The following ZDHHC15 variants were observed in gnomAD, a reference collection of about 807,000 sequenced individuals.
ZDHHC15 encodes the protein palmitoyltransferase ZDHHC15.
ZDHHC15 carries 19 observed loss-of-function variants against 31.7 expected under a neutral mutation model. The ratio of observed to expected loss-of-function variants is 0.60; its 90% CI spans 0.42 to 0.88. The LOEUF is 0.88. Ranked by LOEUF, ZDHHC15 falls within the 40% of genes least tolerant of loss-of-function variation. The pLI is 0.00. For synonymous variants in ZDHHC15, 103 were observed against 90.0 expected, an observed-to-expected ratio of 1.14 and a Z score of -0.82; for missense variants, 209 against 251.2, an observed-to-expected ratio of 0.83 and a Z score of 1.14.
intron 2 of ZDHHC15, among the ~76,000 whole-genome samples, chrX:75,484,829 C>T (rs1422317047): frequency 1.8e-5 from 2 of 112,031 alleles, no homozygotes; most frequent in African/African-American, 6.5e-5. Flanking sequence ...TGTTCCTAAA[C>T]TGGTGAATAA....
At position 75,450,793 on chromosome X, in the gene ZDHHC15, T is replaced by G; in HGVS notation, c.379+9A>C. ...AGCTGCCTCTCTAGCTGCCTTTGGA[T>G]GAACTGACCTCCACTTCCAGTTCTT... On this transcript the variant is annotated intron_variant, in intron 4 of 11. Transcript: ENST00000373367. 8.3e-7 allele frequency: 1 copy of G among 1,210,758 alleles called. No homozygotes were observed. Among genetic ancestry groups the G allele is most frequent in the East Asian group, 3.0e-5 (1 of 33,812 alleles).
intron 2 of ZDHHC15, among the ~76,000 whole-genome samples, chrX:75,498,374 A>T (rs1026727910): frequency 9.0e-6 from 1 of 111,599 alleles, no homozygotes; most frequent in African/African-American, 3.3e-5. Context: ...CGATGATATG[A>T]TCGTACACCT....
At chrX:75,471,662 C>T (rs754496542) in intron 3 of ZDHHC15, among the ~76,000 whole-genome samples, 41 of 111,818 alleles carry the variant, frequency 3.7e-4, no homozygotes, top group Non-Finnish European at 6.8e-4. Context: ...ATCGAGTGAC[C>T]GAAAAGGCTG....
intron 1 of ZDHHC15, among the ~76,000 whole-genome samples, chrX:75,514,796 A>G (rs982821060): frequency 9.0e-6 from 1 of 111,694 alleles, no homozygotes; most frequent in Admixed American, 9.5e-5. Context: ...CTGCTAGTAC[A>G]GCAGTCCGAG....
chrX:75,391,570 G>A (rs368963173), intron 10 of ZDHHC15, among the ~76,000 whole-genome samples: 2 of 112,190 alleles, frequency 1.8e-5, no homozygotes, highest in East Asian at 5.6e-4. Flanking sequence ...TATTTAAAGT[G>A]TTGAAGGAAT....
chrX:75,407,492 C>T (rs1277505824), intron 10 of ZDHHC15, among the ~76,000 whole-genome samples: 36 of 106,392 alleles, frequency 3.4e-4, no homozygotes, highest in Middle Eastern at 5.0e-3. Flanking sequence ...CCGCCCCGTC[C>T]GGGAGGGAGG....
At chrX:75,438,516 C>T (rs1437151731) in intron 4 of ZDHHC15, among the ~76,000 whole-genome samples, 1 of 110,619 alleles carries the variant, frequency 9.0e-6, no homozygotes, top group Admixed American at 9.7e-5. Flanking sequence ...CATTGAATAC[C>T]TTTTTTCACT....
intron 2 of ZDHHC15, among the ~76,000 whole-genome samples, chrX:75,483,893 A>G (rs765496796): frequency 9.0e-6 from 1 of 111,502 alleles, no homozygotes; most frequent in East Asian, 2.8e-4. Context: ...ACGGATTTGT[A>G]AGCTAGTTCT....
chrX:75,478,854 C>A (rs1013929752), intron 3 of ZDHHC15, 37 bp downstream of exon 3: 1 of 1,051,887 alleles, frequency 9.5e-7, no homozygotes, highest in Non-Finnish European at 1.3e-6. Flanking sequence ...CTACTTTTTT[C>A]TGTTCTTATC....
chrX:75,453,255 T>C (rs900237451), intron 3 of ZDHHC15, among the ~76,000 whole-genome samples: 5 of 111,610 alleles, frequency 4.5e-5, no homozygotes, highest in Admixed American at 3.8e-4. Context: ...GAGAATACTA[T>C]AAACACCTCT....
chrX:75,430,866 G>C (rs1176880684), intron 5 of ZDHHC15, among the ~76,000 whole-genome samples: 1 of 111,368 alleles, frequency 9.0e-6, no homozygotes. Flanking sequence ...GATGAGGAAA[G>C]CATCAAACAA....
chrX:75,406,489 G>T (rs1189687827), intron 10 of ZDHHC15, among the ~76,000 whole-genome samples: 1 of 110,528 alleles, frequency 9.0e-6, no homozygotes, highest in Non-Finnish European at 1.9e-5. Context: ...CAAATAAATA[G>T]AATCAGAAGT....
At chrX:75,434,027 C>T (rs1430294832) in intron 4 of ZDHHC15, among the ~76,000 whole-genome samples, 4 of 111,523 alleles carry the variant, frequency 3.6e-5, no homozygotes, top group South Asian at 3.8e-4. Flanking sequence ...TTTTAAATTA[C>T]GGCCATTCTT....
chrX:75,467,218 T>A (rs73221908), intron 3 of ZDHHC15, among the ~76,000 whole-genome samples: 9,182 of 112,340 alleles, frequency 0.082, 388 homozygotes, highest in Non-Finnish European at 0.12. Flanking sequence ...AAATTCTTTT[T>A]AACATTATAA....
intron 4 of ZDHHC15, among the ~76,000 whole-genome samples, chrX:75,432,916 C>T (rs996588205): frequency 4.5e-5 from 5 of 110,911 alleles, no homozygotes; most frequent in Non-Finnish European, 9.4e-5. Flanking sequence ...CCCAGGAGTT[C>T]GAGGCTGCTG....
chrX:75,504,794 A>G (rs1008468024), intron 2 of ZDHHC15, among the ~76,000 whole-genome samples: 2 of 111,780 alleles, frequency 1.8e-5, no homozygotes, highest in Non-Finnish European at 3.8e-5. Context: ...GGTCATGCAT[A>G]CGAATAAGAG....
At chrX:75,431,139 C>T (rs959197329) in intron 5 of ZDHHC15, among the ~76,000 whole-genome samples, 1 of 111,838 alleles carries the variant, frequency 8.9e-6, no homozygotes, top group East Asian at 2.8e-4. Context: ...ATGTATCATA[C>T]AAATATAAGA....
intron 2 of ZDHHC15, among the ~76,000 whole-genome samples, chrX:75,481,598 T>C (rs1050232171): frequency 1.5e-4 from 17 of 111,860 alleles, no homozygotes; most frequent in African/African-American, 5.2e-4. Context: ...ACCGGTAAAA[T>C]AGGAACTATA....
At chrX:75,491,125 G>T (rs2148009582) in intron 2 of ZDHHC15, among the ~76,000 whole-genome samples, 1 of 110,846 alleles carries the variant, frequency 9.0e-6, no homozygotes. Context: ...CCCATTACTG[G>T]GTATATACCC....
Sources: allele counts gnomAD v4.1 joint callset (sites outside exome capture counted in the v4.1 genomes callset), GRCh38; gene constraint gnomAD v4.1.1; transcripts MANE v1.5; gene names NCBI Gene and HGNC (gene_info 2026-07-23, HGNC 2026-07-21).